Variants in CHD5 observed in about 807,000 individuals in gnomAD.
CHD5 encodes ATP-dependent chromatin remodeler CHD5.
Under a neutral mutation model 230.3 loss-of-function variants are expected in CHD5, and 69 were observed. That is an observed-to-expected ratio of 0.30 (90% confidence interval 0.25 to 0.37). The LOEUF is 0.37. Ranked by LOEUF, CHD5 falls within the 10% of genes least tolerant of loss-of-function variation. CHD5 has a pLI of 1.00. For synonymous variants in CHD5, 1,064 were observed against 1,065.9 expected, an observed-to-expected ratio of 1.00 and a Z score of 0.03; for missense variants, 1,827 against 2,622.8, an observed-to-expected ratio of 0.70 and a Z score of 6.63.
chr1:6,154,585 C>T lies in CHD5; in HGVS notation c.745+75G>A. On this transcript the variant is annotated intron_variant, in intron 5 of 41. Coordinates refer to ENST00000262450, the MANE Select transcript of CHD5 (RefSeq NM_015557.3). This position sits in a 1 kb window ranked among gnomAD's most constrained non-coding sequence, Gnocchi z 7.0. ...CTGCCCCTCCCTGCCCGCGTCTGCC[C>T]CGTGGCTTCTCCTATAGGGTCTGAA... The T allele has an allele frequency of 7.3e-7, 1 of 1,376,912 alleles. No homozygotes were observed. The highest frequency in any genetic ancestry group is 2.5e-5 in the East Asian group (1 of 40,174). 85.3% of individuals were successfully genotyped at this position (1,376,912 alleles called of 1,614,324 possible). A position where few individuals can be genotyped will look rare whatever the true frequency, so the allele number is the denominator to read the frequency against.
Position 6,128,911 on chromosome 1 carries a change from C to T in CHD5, c.3546G>A (p.Gly1182=). Residue 1182 remains glycine, a synonymous_variant, in exon 23 of 42, where the codon GGG becomes GGA. Coordinates refer to ENST00000262450, the MANE Select transcript of CHD5 (RefSeq NM_015557.3). This position sits in a 1 kb window ranked among gnomAD's most constrained non-coding sequence, Gnocchi z 7.8. ...CGTCCAGCTCCTGCTTGGTCATGGA[C>T]CCCGACTTGGAGCCGAGGCCGGGCC... The part of the protein sequence containing the change: ...VVRPGLGSKS[G]SMTKQELDDI... 2 of 1,613,366 alleles carry T rather than the reference C, an allele frequency of 1.2e-6. No individual in the cohort carries two copies. Among genetic ancestry groups the T allele is most frequent in the Non-Finnish European group, 1.7e-6 (2 of 1,179,986 alleles).
In CHD5 at chr1:6,126,434, C is replaced by A. The variant is rs548028818; in HGVS notation, c.4078+138G>T. 2.3e-4 allele frequency: 155 copies of A among 683,096 alleles called. No individual in the cohort carries two copies. The highest frequency in any genetic ancestry group is 3.5e-4 in the Non-Finnish European group (135 of 386,392). The allele number at this position is 683,096 out of a possible 1,614,324, so 42.3% of individuals were successfully genotyped here. On this transcript the variant is annotated intron_variant, in intron 26 of 41. Transcript: ENST00000262450. This position sits in a 1 kb window ranked among gnomAD's most constrained non-coding sequence, Gnocchi z 5.7. Reference sequence around the variant, plus strand: ...ACCCTCCGCCTCTGGGTATGGGACACCCATCCCTCCTGGCACACTCGCCCA... The same window carrying A: ...ACCCTCCGCCTCTGGGTATGGGACAACCATCCCTCCTGGCACACTCGCCCA...
chr1:6,119,648 T>C (rs1329883793), intron 33 of CHD5, among the ~76,000 whole-genome samples: 2 of 151,882 alleles, frequency 1.3e-5, no homozygotes, highest in Admixed American at 6.6e-5. Flanking sequence ...GTAAAGATAT[T>C]AAAAACTTGA....
intron 38 of CHD5, among the ~76,000 whole-genome samples, chr1:6,108,227 G>A (rs779813043): frequency 3.4e-5 from 5 of 148,038 alleles, no homozygotes; most frequent in Admixed American, 1.3e-4. Flanking sequence ...GAGATGGACG[G>A]GTGGAAGGAT....
intron 1 of CHD5, among the ~76,000 whole-genome samples, chr1:6,170,850 G>A (rs1173178406): frequency 6.6e-6 from 1 of 152,210 alleles, no homozygotes; most frequent in Non-Finnish European, 1.5e-5. Context: ...GGCAGTGGCA[G>A]GGCTGGCGGG....
chr1:6,125,294 CT>C lies in CHD5; in HGVS notation c.4261-62del. On this transcript the variant is annotated intron_variant, in intron 28 of 41. Transcript: ENST00000262450. This position sits in a 1 kb window ranked among gnomAD's most constrained non-coding sequence, Gnocchi z 6.7. ...CAGAGAGGGGTGGGGGTGGAGGATT[CT>C]GGGATGGGGGAAGAAAAGCATGGGA... is the stretch of plus-strand genomic sequence containing the variant. The C allele has an allele frequency of 6.7e-7, 1 of 1,502,838 alleles. No individual in the cohort carries two copies. The highest frequency in any genetic ancestry group is 9.0e-7 in the Non-Finnish European group (1 of 1,115,948). 93.1% of individuals were successfully genotyped at this position (1,502,838 alleles called of 1,614,324 possible). A position where few individuals can be genotyped will look rare whatever the true frequency, so the allele number is the denominator to read the frequency against.
chr1:6,137,634 T>C (rs1666766199), intron 15 of CHD5, among the ~76,000 whole-genome samples: 1 of 152,190 alleles, frequency 6.6e-6, no homozygotes, highest in Non-Finnish European at 1.5e-5. Context: ...CACCTGGCCT[T>C]TTATCCCCAT....
At chr1:6,115,808 G>A (rs1275296718) in intron 33 of CHD5, among the ~76,000 whole-genome samples, 2 of 152,142 alleles carry the variant, frequency 1.3e-5, no homozygotes, top group Admixed American at 6.5e-5. Flanking sequence ...GCTACACCAC[G>A]CCAGGCATCA....
chr1:6,122,066 G>A (rs1297261636), intron 31 of CHD5, among the ~76,000 whole-genome samples: 1 of 152,228 alleles, frequency 6.6e-6, no homozygotes, highest in African/African-American at 2.4e-5. Context: ...GGCCCACAGA[G>A]GTTAGGTGAC....
intron 2 of CHD5, among the ~76,000 whole-genome samples, chr1:6,165,484 G>GT (rs1667237969): frequency 6.6e-6 from 1 of 152,184 alleles, no homozygotes; most frequent in Non-Finnish European, 1.5e-5. Context: ...GAGGTGGGCA[G>GT]TGGGTGCACA....
Position 6,113,370 on chromosome 1 carries a change from G to A in CHD5, c.4913-372C>T, listed in dbSNP as rs1441991828. The A allele has an allele frequency of 3.0e-5, 13 of 433,846 alleles. 1 individual carries two copies. The highest frequency in any genetic ancestry group is 6.0e-5 in the Non-Finnish European group (13 of 215,466). The allele number at this position is 433,846 out of a possible 1,614,324, so 26.9% of individuals were successfully genotyped here. A position where few individuals can be genotyped will look rare whatever the true frequency, so the allele number is the denominator to read the frequency against. On this transcript the variant is annotated intron_variant, in intron 33 of 41. Transcript: ENST00000262450. ...GCCGAGGAGATAAAGGCTCCCATGA[G>A]CCGAGATGGCGCCACTGCACTCCAG... is the stretch of plus-strand genomic sequence containing the variant.
At chr1:6,169,413 G>A (rs1667302917) in intron 1 of CHD5, among the ~76,000 whole-genome samples, 2 of 152,360 alleles carry the variant, frequency 1.3e-5, no homozygotes, top group South Asian at 4.1e-4. Flanking sequence ...CTCGGGAAGG[G>A]AGTATGTTTG....
rs1666618281 is a variant in CHD5 at position 6,129,481 on chromosome 1, CACCT to C, written c.3388-416_3388-413del. Among the ~76,000 whole-genome samples the C allele has an allele frequency of 6.6e-6, 1 of 152,150 alleles. No individual in the cohort carries two copies. The highest frequency in any genetic ancestry group is 1.9e-4 in the East Asian group (1 of 5,184). On this transcript the variant is annotated intron_variant, in intron 22 of 41. Transcript: ENST00000262450. This position sits in a 1 kb window ranked among gnomAD's most constrained non-coding sequence, Gnocchi z 6.8. ...AGACCATGTGCTGGAGACACGCAGCCACCTTCTGAGGGCAGCAAGGAGCTGAATC... is the reference window on the plus strand; with the variant it reads ...AGACCATGTGCTGGAGACACGCAGCCTCTGAGGGCAGCAAGGAGCTGAATC...
Position 6,130,364 on chromosome 1 carries a change from G to T in CHD5, c.3263-36C>A, listed in dbSNP as rs369240510. The T allele has an allele frequency of 1.2e-6, 2 of 1,607,484 alleles. No individual in the cohort carries two copies. Among genetic ancestry groups the T allele is most frequent in the Non-Finnish European group, 1.7e-6 (2 of 1,176,626 alleles). The stretch of plus-strand genomic sequence containing the variant: ...GAGGCCAGCAGATGGGAGTGTTTGG[G>T]GGGGTACACCTTGGGTGGGCAGAAA... On this transcript the variant is annotated intron_variant, in intron 21 of 41. Transcript: ENST00000262450. This position sits in a 1 kb window ranked among gnomAD's most constrained non-coding sequence, Gnocchi z 4.9.
chr1:6,124,132 A>G (rs2273041), intron 30 of CHD5, 25 bp from the exon 31 acceptor site: 776,548 of 1,601,276 alleles, frequency 0.48, 196,894 homozygotes, highest in East Asian at 0.85. Flanking sequence ...GGGAAGGTGG[A>G]AGGGAAAGAG....
rs1181386542 is a variant in CHD5 at position 6,101,971 on chromosome 1, C to G, written c.*3503G>C. Reference sequence around the variant, plus strand: ...TGGACCCGCCCCCGCCGGGGCCACCCTGGCTGGGACTCCTGGCGCGCCTTG... The same window carrying G: ...TGGACCCGCCCCCGCCGGGGCCACCGTGGCTGGGACTCCTGGCGCGCCTTG... On this transcript the variant is annotated 3_prime_UTR_variant, in exon 42 of 42. Coordinates refer to ENST00000262450, the MANE Select transcript of CHD5 (RefSeq NM_015557.3). 7.6e-5 allele frequency: 32 copies of G among 423,436 alleles called. No homozygotes were observed. In the Admixed American group the frequency reaches 8.9e-4, roughly 12 times the overall value. The allele number at this position is 423,436 out of a possible 1,614,324, so 26.2% of individuals were successfully genotyped here. A position where few individuals can be genotyped will look rare whatever the true frequency, so the allele number is the denominator to read the frequency against.
intron 15 of CHD5, among the ~76,000 whole-genome samples, chr1:6,139,527 G>A (rs955462009): frequency 4.7e-5 from 7 of 150,364 alleles, no homozygotes; most frequent in Admixed American, 1.3e-4. Context: ...GTGAGCCACC[G>A]TGCCCGGCTG....
At chr1:6,110,591 G>C in intron 36 of CHD5, 65 bp from the exon 37 acceptor site, 1 of 1,516,906 alleles carries the variant, frequency 6.6e-7, no homozygotes. Flanking sequence ...GGGGGAGGCA[G>C]CTCAGGGAGG....
chr1:6,106,501 G>A lies in CHD5; in HGVS notation c.5751C>T (p.Phe1917=), dbSNP rs147686839. The part of the protein sequence containing the change: ...AGDPTIQQGA[F]GSSQMYSNNF... ...TGTTGCTGTACATCTGGGAGGAGCC[G>A]AAAGCGCCCTGGAGGCAAGGACTCA... The change falls in exon 40 of 42, where the codon TTC becomes TTT. Residue 1917 remains phenylalanine (F), a synonymous_variant. Transcript: ENST00000262450. The A allele has an allele frequency of 1.1e-5, 17 of 1,552,142 alleles. No individual in the cohort carries two copies. Among genetic ancestry groups the A allele is most frequent in the East Asian group, 7.3e-5 (3 of 40,996 alleles).
Sources: gnomAD v4.1 joint callset for allele counts (sites outside exome capture counted in the v4.1 genomes callset) on GRCh38, gnomAD v4.1.1 for gene constraint, Gnocchi (gnomAD v3.1) non-coding constraint, MANE v1.5 for transcripts, NCBI Gene and HGNC (gene_info 2026-07-23, HGNC 2026-07-21) for gene names.